Variants in SH2D3C observed in about 807,000 individuals in gnomAD.
SH2D3C encodes SH2 domain containing 3C.
In SH2D3C, 25 loss-of-function variants were observed where a neutral mutation model predicts 75.2. That is an observed-to-expected ratio of 0.33 (90% CI 0.24 to 0.46). The LOEUF (loss-of-function observed/expected upper bound fraction) is 0.46. Ranked by LOEUF, SH2D3C falls within the 20% of genes least tolerant of loss-of-function variation. SH2D3C has a pLI of 1.00. For missense variants in SH2D3C, 933 were observed against 1,165.3 expected, an observed-to-expected ratio of 0.80 and a Z score of 2.90; for synonymous variants, 450 against 473.7, an observed-to-expected ratio of 0.95 and a Z score of 0.65.
In SH2D3C at chr9:127,754,925, AC is replaced by A; in HGVS notation, c.556-3626del. The A allele has an allele frequency of 1.8e-5, 9 of 501,124 alleles. 1 individual carries two copies. Among genetic ancestry groups the A allele is most frequent in the South Asian group, 1.5e-4 (9 of 62,034 alleles). The allele number at this position is 501,124 out of a possible 1,614,324, so 31.0% of individuals were successfully genotyped here. A position where few individuals can be genotyped will look rare whatever the true frequency, so the allele number is the denominator to read the frequency against. On this transcript the variant is annotated intron_variant, in intron 3 of 11. Coordinates refer to ENST00000314830, the MANE Select transcript of SH2D3C (RefSeq NM_170600.3). This position sits in a 1 kb window ranked among gnomAD's most constrained non-coding sequence, Gnocchi z 4.4. ...GGCGCCCAGAGGTGAGGCTGGGGTGACCCCGCCCCCTCCCCGGGTCGGCCGG... is the reference window on the plus strand; with the variant it reads ...GGCGCCCAGAGGTGAGGCTGGGGTGACCCGCCCCCTCCCCGGGTCGGCCGG...
intron 3 of SH2D3C, chr9:127,755,379 C>A (rs1297211977): frequency 5.7e-6 from 2 of 350,002 alleles, no homozygotes; most frequent in African/African-American, 2.2e-5. Flanking sequence ...CCTCCGCCCG[C>A]CCCCCGCTCC....
chr9:127,761,715 G>A, intron 2 of SH2D3C, 65 bp from the exon 3 acceptor site: 2 of 1,385,464 alleles, frequency 1.4e-6, no homozygotes, highest in Non-Finnish European at 2.0e-6. Context: ...CCGGTCTCTT[G>A]CCTGCCTGCC....
chr9:127,742,390 C>A (rs1431115893), intron 8 of SH2D3C, among the ~76,000 whole-genome samples: 2 of 152,242 alleles, frequency 1.3e-5, no homozygotes, highest in East Asian at 3.9e-4. Context: ...ACGCGCGCCA[C>A]CACGCCCTGC....
rs146755904 is a variant in SH2D3C, at chr9:127,749,329, G to A, written c.1021C>T (p.Pro341Ser). 4 of 1,612,830 alleles carry A rather than the reference G, an allele frequency of 2.5e-6. No homozygotes were observed. Among genetic ancestry groups the A allele is most frequent in the Admixed American group, 1.7e-5 (1 of 60,020 alleles). The change falls in exon 5 of 12, where the codon CCT becomes TCT. Residue 341 changes from proline (P) to serine (S), a missense_variant. Pro to Ser is a moderately conservative substitution (Grantham distance 74). Transcript: ENST00000314830. The surrounding 1 kb of genome is among the most constrained non-coding windows in gnomAD (Gnocchi z 5.9). ...CCTGAGGGGCTGACGGGGCTAGCAG[G>A]CTTGCTACTCCCCTGTCCCAGGCCA... The part of the protein sequence containing the change: ...SYGLGQGSSK[P>S]ASPVSPSGPK...
chr9:127,745,455 C>CTTTT (rs1190107937), intron 6 of SH2D3C, among the ~76,000 whole-genome samples: 13 of 109,552 alleles, frequency 1.2e-4, no homozygotes, highest in African/African-American at 1.9e-4. Flanking sequence ...TAATGATTTC[C>CTTTT]TTTTTTTTTT....
chr9:127,775,020 G>A (rs920417499), intron 1 of SH2D3C, among the ~76,000 whole-genome samples: 3 of 152,126 alleles, frequency 2.0e-5, no homozygotes, highest in East Asian at 1.9e-4. Flanking sequence ...CCCGGGAGGC[G>A]GAGGTTGCAG....
chr9:127,740,325 G>A lies in SH2D3C; in HGVS notation c.2133C>T (p.His711=). 6.2e-7 allele frequency: 1 copy of A among 1,614,166 alleles called. No individual in the cohort carries two copies. The highest frequency in any genetic ancestry group is 8.5e-7 in the Non-Finnish European group (1 of 1,180,032). ...EQTWVTLRQR[H]TEGAILYEKK... ...TCTCGTACAGGATGGCACCCTCTGT[G>A]TGTCGCTGCCGCAGGGTCACCCATG... Residue 711 remains histidine, a synonymous_variant, in exon 10 of 12, where the codon CAC becomes CAT. Transcript: ENST00000314830.
In SH2D3C at chr9:127,757,638, TG is replaced by T. The variant is rs56848438; in HGVS notation, c.555+3972del. On this transcript the variant is annotated intron_variant, in intron 3 of 11. Coordinates refer to ENST00000314830, the MANE Select transcript of SH2D3C (RefSeq NM_170600.3). ...ATGATGATGATGATGATGATGATGA[TG>T]ATGATGATTATTATTATTATTATTA... 7.7e-3 allele frequency among the ~76,000 whole-genome samples: 914 copies of T among 118,276 alleles called. 3 individuals are homozygous for T. Among genetic ancestry groups the T allele is most frequent in the African/African-American group, 0.012 (396 of 33,658 alleles). 77.6% of individuals were successfully genotyped at this position (118,276 alleles called of 152,430 possible). A position where few individuals can be genotyped will look rare whatever the true frequency, so the allele number is the denominator to read the frequency against.
intron 3 of SH2D3C, among the ~76,000 whole-genome samples, chr9:127,759,603 CT>C (rs934344786): frequency 1.3e-5 from 2 of 152,188 alleles, no homozygotes; most frequent in Admixed American, 6.5e-5. Context: ...ATTCCCAGCA[CT>C]TTGGGAGGCT....
At chr9:127,772,301 T>G (rs1396262465) in intron 2 of SH2D3C, among the ~76,000 whole-genome samples, 2 of 143,968 alleles carry the variant, frequency 1.4e-5, no homozygotes, top group African/African-American at 5.2e-5. Flanking sequence ...GAGTGTGCAA[T>G]GGCGCGATCT....
chr9:127,749,660 C>T lies in SH2D3C; in HGVS notation c.690G>A (p.Ser230=), dbSNP rs372115939. 9.9e-5 allele frequency: 153 copies of T among 1,544,674 alleles called. 2 individuals are homozygous for T. The highest frequency in any genetic ancestry group is 1.4e-4 in the South Asian group (12 of 84,732). The stretch of plus-strand genomic sequence containing the variant: ...CGCCGTTGCGTTGTACCAAGGTCTC[C>T]GAGACCTGCAGAAGGCATGGTTAGG... ...WYHGRIPREV[S]ETLVQRNGDF... Residue 230 remains serine, a synonymous_variant, in exon 5 of 12, where the codon TCG becomes TCA. Coordinates refer to ENST00000314830, the MANE Select transcript of SH2D3C (RefSeq NM_170600.3). This position sits in a 1 kb window ranked among gnomAD's most constrained non-coding sequence, Gnocchi z 5.9.
chr9:127,763,014 T>C (rs997203458), intron 2 of SH2D3C, among the ~76,000 whole-genome samples: 5 of 152,234 alleles, frequency 3.3e-5, no homozygotes, highest in African/African-American at 9.6e-5. Flanking sequence ...CCCTCCAGGC[T>C]GTCTCCCTTG....
chr9:127,742,247 G>T (rs1292580878), intron 8 of SH2D3C, among the ~76,000 whole-genome samples: 2 of 152,020 alleles, frequency 1.3e-5, no homozygotes, highest in Non-Finnish European at 2.9e-5. Flanking sequence ...TTGTTTGTTT[G>T]TTTTTTGAGA....
At position 127,774,981 on chromosome 9, in the gene SH2D3C, G is replaced by T. The variant is rs1295430317; in HGVS notation, c.38-514C>A. Among the ~76,000 whole-genome samples the T allele has an allele frequency of 6.6e-6, 1 of 151,998 alleles. No individual in the cohort carries two copies. Among genetic ancestry groups the T allele is most frequent in the Non-Finnish European group, 1.5e-5 (1 of 67,984 alleles). On this transcript the variant is annotated intron_variant, in intron 1 of 11. Transcript: ENST00000314830. The surrounding 1 kb of genome is among the most constrained non-coding windows in gnomAD (Gnocchi z 4.3). ...GGCGCACCTGTAATCCCAGCTTCTT[G>T]GGAGGCTGAGGCAGGAGAATTGCTT...
chr9:127,741,566 T>A (rs1243386973), intron 9 of SH2D3C, among the ~76,000 whole-genome samples: 1 of 152,128 alleles, frequency 6.6e-6, no homozygotes, highest in Non-Finnish European at 1.5e-5. Flanking sequence ...CATATAATGC[T>A]CCTCATTTGT....
At position 127,739,020 on chromosome 9, in the gene SH2D3C, C is replaced by A; in HGVS notation, c.2408-99G>T. The A allele has an allele frequency of 9.0e-7, 1 of 1,105,182 alleles. No homozygotes were observed. Among genetic ancestry groups the A allele is most frequent in the Non-Finnish European group, 1.2e-6 (1 of 814,130 alleles). The allele number at this position is 1,105,182 out of a possible 1,614,324, so 68.5% of individuals were successfully genotyped here. A position where few individuals can be genotyped will look rare whatever the true frequency, so the allele number is the denominator to read the frequency against. ...CCCTGTTAGGGACCTCCCCTCAACT[C>A]CGCCAGGGATCCAACAAGGTTTGTG... On this transcript the variant is annotated intron_variant, in intron 11 of 11. Transcript: ENST00000314830. The surrounding 1 kb of genome is among the most constrained non-coding windows in gnomAD (Gnocchi z 4.3).
Position 127,749,201 on chromosome 9 carries a change from C to T in SH2D3C, c.1139+10G>A. ...CACAACCCCATTTGACAAATGGGGC[C>T]CTGGCTGACCTGGTGGGGCAGCCAT... On this transcript the variant is annotated intron_variant, in intron 5 of 11. Transcript: ENST00000314830. This position sits in a 1 kb window ranked among gnomAD's most constrained non-coding sequence, Gnocchi z 5.9. The T allele has an allele frequency of 6.5e-7, 1 of 1,539,818 alleles. No individual in the cohort carries two copies. The highest frequency in any genetic ancestry group is 8.8e-7 in the Non-Finnish European group (1 of 1,141,940).
chr9:127,765,936 CCT>C (rs1845625384), intron 2 of SH2D3C, among the ~76,000 whole-genome samples: 1 of 152,148 alleles, frequency 6.6e-6, no homozygotes, highest in Admixed American at 6.5e-5. Context: ...ATAACCAACC[CCT>C]TTCACTGCCT....
At chr9:127,748,074 A>G (rs1483229580) in intron 5 of SH2D3C, among the ~76,000 whole-genome samples, 1 of 152,174 alleles carries the variant, frequency 6.6e-6, no homozygotes, top group East Asian at 1.9e-4. Flanking sequence ...CAAATTAGTC[A>G]ACTACAACCA....
Sources: allele counts gnomAD v4.1 joint callset (sites outside exome capture counted in the v4.1 genomes callset), GRCh38; gene constraint gnomAD v4.1.1; non-coding constraint Gnocchi (gnomAD v3.1); transcripts MANE v1.5; gene names NCBI Gene and HGNC (gene_info 2026-07-23, HGNC 2026-07-21).